Variants in REV3L observed in about 807,000 individuals in gnomAD.
REV3L encodes the protein DNA polymerase zeta catalytic subunit.
REV3L carries 69 observed loss-of-function variants against 299.4 expected under a neutral mutation model. The observed-to-expected ratio is 0.23, with a 90% CI of 0.19 to 0.28. The LOEUF (loss-of-function observed/expected upper bound fraction) is 0.28, where lower values mean the gene tolerates loss of function less well. Among genes scored for constraint, REV3L ranks in the 10% least tolerant of loss-of-function variants. REV3L has a pLI of 1.00. For synonymous variants in REV3L, 1,238 were observed against 1,271.4 expected (o/e 0.97, Z 0.56); for missense variants, 3,128 against 3,693.8 (o/e 0.85, Z 3.97).
At chr6:111,393,589 G>T (rs1361461046) in intron 4 of REV3L, among the ~76,000 whole-genome samples, 1 of 152,132 alleles carries the variant, frequency 6.6e-6, no homozygotes, top group Admixed American at 6.6e-5. Flanking sequence ...TCAAACACTA[G>T]AACTTATTTC....
intron 1 of REV3L, among the ~76,000 whole-genome samples, chr6:111,428,740 A>G (rs1309637637): frequency 6.6e-6 from 1 of 152,152 alleles, no homozygotes; most frequent in Non-Finnish European, 1.5e-5. Flanking sequence ...AATTACCTCT[A>G]AAGACAAAAT....
At chr6:111,344,179 A>G (rs1252706413) in intron 20 of REV3L, 136 bp from the exon 21 acceptor site, 19 of 597,218 alleles carry the variant, frequency 3.2e-5, no homozygotes, top group Non-Finnish European at 5.0e-5. Flanking sequence ...GTGCAGTACA[A>G]CTGAATCATA....
Position 111,375,567 on chromosome 6 carries a change from C to G in REV3L, c.2788G>C (p.Glu930Gln). ...RAKRKVNYET[E>Q]DSESSFVTHN... ...GTTACAAAACTTGACTCACTGTCTT[C>G]AGTCTCATAATTTACCTTGCGTTTG... The change falls in exon 13 of 32, where the codon GAA becomes CAA. Residue 930 changes from glutamate (E) to glutamine (Q), a missense_variant. Coordinates refer to ENST00000368802, the MANE Select transcript of REV3L (RefSeq NM_001372078.1). 6.2e-7 allele frequency: 1 copy of G among 1,613,712 alleles called. No individual in the cohort carries two copies. Among genetic ancestry groups the G allele is most frequent in the Non-Finnish European group, 8.5e-7 (1 of 1,179,866 alleles).
chr6:111,471,976 C>T (rs1792272820), intron 1 of REV3L: 1 of 1,116,814 alleles, frequency 9.0e-7, no homozygotes, highest in Admixed American at 4.3e-5. Flanking sequence ...CCCCACCCCC[C>T]TCACCCCCAA....
chr6:111,324,320 G>A (rs1210721615), intron 25 of REV3L, among the ~76,000 whole-genome samples: 1 of 152,126 alleles, frequency 6.6e-6, no homozygotes, highest in Non-Finnish European at 1.5e-5. Context: ...TTAAGATTAT[G>A]AATTCTGCTG....
At chr6:111,368,472 G>C (rs1582714038) in intron 13 of REV3L, among the ~76,000 whole-genome samples, 1 of 152,062 alleles carries the variant, frequency 6.6e-6, no homozygotes, top group African/African-American at 2.4e-5. Context: ...AGTATCTGTA[G>C]TTTAACAAAG....
chr6:111,365,291 TA>T lies in REV3L; in HGVS notation c.6726del (p.Arg2243GlufsTer5). ...TTTGCTTGTGTTAACAGTACTCTTC[TA>T]AGAGTGTCAGTATTACTTCCTTTCT... Reference protein sequence around the residue: ...SNKKGSNTDTLRRVLLTQAKN... With the variant: ...SNKKGSNTDTXRRVLLTQAKN... On this transcript the variant is annotated frameshift_variant, in exon 15 of 32. Coordinates refer to ENST00000368802, the MANE Select transcript of REV3L (RefSeq NM_001372078.1). LOFTEE classifies it high-confidence loss of function. 1 of 1,570,110 alleles carries T rather than the reference TA, an allele frequency of 6.4e-7. No homozygotes were observed. The highest frequency in any genetic ancestry group is 1.2e-5 in the South Asian group (1 of 82,466).
intron 13 of REV3L, among the ~76,000 whole-genome samples, chr6:111,370,082 T>C (rs930649928): frequency 2.6e-5 from 4 of 152,102 alleles, no homozygotes; most frequent in South Asian, 2.1e-4. Flanking sequence ...CTGCCCACCT[T>C]GGCCTCCCAA....
At position 111,333,353 on chromosome 6, in the gene REV3L, T is replaced by G. The variant is rs1402005392; in HGVS notation, c.7695A>C (p.Ser2565=). 2 of 1,614,000 alleles carry G rather than the reference T, an allele frequency of 1.2e-6. No individual in the cohort carries two copies. Among genetic ancestry groups the G allele is most frequent in the East Asian group, 2.2e-5 (1 of 44,880 alleles). ...LTRGSQYRVE[S]MMLRIAKPMN... ...TTGGTTTAGCAATACGCAACATCAT[T>G]GATTCCACACGGTACTGCAGGGAGA... Residue 2565 remains serine, a synonymous_variant, in exon 23 of 32, where the codon TCA becomes TCC. Transcript: ENST00000368802.
intron 26 of REV3L, 78 bp downstream of exon 26, chr6:111,322,491 T>C (rs1774292466): frequency 1.3e-5 from 14 of 1,041,222 alleles, no homozygotes; most frequent in Non-Finnish European, 1.9e-5. Flanking sequence ...TAGAAAAGAT[T>C]CCCTTAAGCC....
intron 1 of REV3L, among the ~76,000 whole-genome samples, chr6:111,448,835 T>C (rs1394933993): frequency 6.6e-6 from 1 of 150,742 alleles, no homozygotes; most frequent in African/African-American, 2.4e-5. Context: ...CTTGGTATGT[T>C]GCCCAGCCTG....
chr6:111,477,214 G>A (rs144783674), intron 1 of REV3L, among the ~76,000 whole-genome samples: 1 of 152,292 alleles, frequency 6.6e-6, no homozygotes, highest in East Asian at 1.9e-4. Context: ...TCTCTGTGAT[G>A]ATTATCATCT....
At position 111,373,717 on chromosome 6, in the gene REV3L, A is replaced by G; in HGVS notation, c.4638T>C (p.Thr1546=). The G allele has an allele frequency of 6.2e-7, 1 of 1,613,766 alleles. No homozygotes were observed. Among genetic ancestry groups the G allele is most frequent in the Non-Finnish European group, 8.5e-7 (1 of 1,179,922 alleles). ...GTTTATTGGATAATGGGTCTTGTGT[A>G]GTATTTGCATTTTGTGCTTTCTGCT... The part of the protein sequence containing the change: ...KRQQKAQNAN[T]TQDPLSNKHQ... The change falls in exon 13 of 32, where the codon ACT becomes ACC. Residue 1546 remains threonine (T), a synonymous_variant. Transcript: ENST00000368802.
At position 111,375,343 on chromosome 6, in the gene REV3L, T is replaced by C; in HGVS notation, c.3012A>G (p.Val1004=). 6.3e-7 allele frequency: 1 copy of C among 1,583,476 alleles called. No homozygotes were observed. Among genetic ancestry groups the C allele is most frequent in the Non-Finnish European group, 8.5e-7 (1 of 1,171,770 alleles). Residue 1004 remains valine (V), a synonymous_variant, in exon 13 of 32, where the codon GTA becomes GTG. Transcript: ENST00000368802. ...GTTCCATTTTTTCTTCTGTTAATAT[T>C]ACTTGTTTTTCTTTAGAGTCTATTT... is the stretch of plus-strand genomic sequence containing the variant. ...LGKIDSKEKQ[V]ILTEEKMELY...
Position 111,309,836 on chromosome 6 carries a change from C to CA in REV3L, c.9042+16_9042+17insT. On this transcript the variant is annotated intron_variant, in intron 30 of 31. Transcript: ENST00000368802. The stretch of plus-strand genomic sequence containing the variant: ...TCTCTCCATAGTTAGAGCACATGTA[C>CA]TATTTGGTAAGCTTACCCTTGGTAA... 2.5e-6 allele frequency: 4 copies of CA among 1,610,274 alleles called. No individual in the cohort carries two copies. The Middle Eastern group carries it at 5.0e-4, about 201-fold the overall frequency.
chr6:111,426,045 T>C (rs544990474), intron 1 of REV3L, among the ~76,000 whole-genome samples: 7 of 152,332 alleles, frequency 4.6e-5, no homozygotes, highest in Admixed American at 2.0e-4. Context: ...ACCAATGAGA[T>C]GACTGGTAGC....
chr6:111,414,680 G>GT (rs1350407647), intron 2 of REV3L, among the ~76,000 whole-genome samples: 1 of 152,082 alleles, frequency 6.6e-6, no homozygotes, highest in Admixed American at 6.5e-5. Flanking sequence ...AAATGTTCCT[G>GT]TATGAGCTCC....
intron 3 of REV3L, among the ~76,000 whole-genome samples, chr6:111,407,106 T>C (rs1783721982): frequency 6.6e-6 from 1 of 152,126 alleles, no homozygotes; most frequent in Non-Finnish European, 1.5e-5. Context: ...CAAGATCCTG[T>C]GTCTTAAAAA....
chr6:111,316,336 A>G (rs1458022672), intron 26 of REV3L, among the ~76,000 whole-genome samples: 1 of 152,068 alleles, frequency 6.6e-6, no homozygotes, highest in Admixed American at 6.6e-5. Context: ...ATATGGGAGA[A>G]GTTCCCTTAA....
Sources: gnomAD v4.1 joint callset for allele counts (sites outside exome capture counted in the v4.1 genomes callset) on GRCh38, gnomAD v4.1.1 for gene constraint, MANE v1.5 for transcripts, NCBI Gene and HGNC (gene_info 2026-07-23, HGNC 2026-07-21) for gene names.